ANKRD31: variants seen among roughly 807,000 people sequenced by gnomAD.
ANKRD31 encodes ankyrin repeat domain-containing protein 31.
Under a neutral mutation model 186.0 loss-of-function variants are expected in ANKRD31, and 147 were observed. The ratio of observed to expected loss-of-function variants is 0.79; its 90% CI spans 0.69 to 0.91. The LOEUF is 0.91. Ranked by LOEUF, ANKRD31 falls within the 40% of genes least tolerant of loss-of-function variation. The pLI, the probability that ANKRD31 is intolerant of heterozygous loss-of-function variation, is 0.00. For missense variants in ANKRD31, 1,986 were observed against 2,148.8 expected (o/e 0.92, Z 1.50); for synonymous variants, 673 against 736.4 (o/e 0.91, Z 1.39).
At chr5:75,070,922 G>T (rs1335692887) in intron 25 of ANKRD31, among the ~76,000 whole-genome samples, 3 of 152,116 alleles carry the variant, frequency 2.0e-5, no homozygotes, top group African/African-American at 7.2e-5. Context: ...GTGAGATCTT[G>T]TCCCTATAAA....
At chr5:75,107,659 T>A in intron 20 of ANKRD31, 42 bp from the exon 21 acceptor site, 12 of 1,193,756 alleles carry the variant, frequency 1.0e-5, no homozygotes, top group Non-Finnish European at 1.4e-5. Context: ...TGAGGGAGAG[T>A]GAATGTCAAA....
At chr5:75,116,539 G>T in intron 19 of ANKRD31, 27 bp downstream of exon 19, 1 of 1,319,142 alleles carries the variant, frequency 7.6e-7, no homozygotes, top group South Asian at 2.3e-5. Flanking sequence ...CTAAGATGAA[G>T]AACAAAGTAA....
At chr5:75,113,212 A>G (rs1747923494) in intron 19 of ANKRD31, among the ~76,000 whole-genome samples, 1 of 152,154 alleles carries the variant, frequency 6.6e-6, no homozygotes, top group Admixed American at 6.5e-5. Context: ...ACCTCTTCCT[A>G]TCTGGGTGAC....
At chr5:75,180,302 T>C (rs1580500022) in intron 10 of ANKRD31, among the ~76,000 whole-genome samples, 1 of 152,094 alleles carries the variant, frequency 6.6e-6, no homozygotes, top group Non-Finnish European at 1.5e-5. Context: ...AAAATGGCCA[T>C]ACTGCCCAAG....
rs537693591 is a variant in ANKRD31 at position 75,225,426 on chromosome 5, A to C, written c.179-3068T>G. 54 of 162,414 alleles carry C rather than the reference A, an allele frequency of 3.3e-4. 1 individual carries two copies. Among genetic ancestry groups the C allele is most frequent in the Middle Eastern group, 3.0e-3 (1 of 330 alleles). The allele number at this position is 162,414 out of a possible 1,614,324, so 10.1% of individuals were successfully genotyped here. The stretch of plus-strand genomic sequence containing the variant: ...ATCCCCAAGGACTTTTTGTTGACCA[A>C]GGAGTCAATACTAAGAACAATGACC... On this transcript the variant is annotated intron_variant, in intron 2 of 25. Coordinates refer to ENST00000506364, the MANE Select transcript of ANKRD31 (RefSeq NM_001372053.1).
intron 23 of ANKRD31, among the ~76,000 whole-genome samples, chr5:75,089,439 C>T (rs1471534143): frequency 6.6e-6 from 1 of 152,210 alleles, no homozygotes; most frequent in Non-Finnish European, 1.5e-5. Flanking sequence ...ACCACCCCCA[C>T]CACTCTCAGA....
chr5:75,160,169 T>C (rs187373013), intron 11 of ANKRD31, among the ~76,000 whole-genome samples: 106 of 152,158 alleles, frequency 7.0e-4, no homozygotes, highest in African/African-American at 2.4e-3. Context: ...TTATAAAATA[T>C]ACAAACATAA....
At chr5:75,076,920 C>T (rs1744695457) in intron 25 of ANKRD31, among the ~76,000 whole-genome samples, 2 of 152,134 alleles carry the variant, frequency 1.3e-5, no homozygotes, top group South Asian at 4.2e-4. Context: ...AAATGATTAA[C>T]AATTATCTCA....
At chr5:75,228,358 G>A (rs778113616) in intron 2 of ANKRD31, among the ~76,000 whole-genome samples, 8 of 152,120 alleles carry the variant, frequency 5.3e-5, no homozygotes, top group Non-Finnish European at 1.2e-4. Flanking sequence ...GCAAAACCAA[G>A]GACAATTTTA....
chr5:75,202,138 T>C (rs1347538752), intron 5 of ANKRD31, among the ~76,000 whole-genome samples: 2 of 152,224 alleles, frequency 1.3e-5, no homozygotes, highest in African/African-American at 4.8e-5. Context: ...CCTGACCACC[T>C]TGGGCACATG....
At chr5:75,231,906 A>AACACACACACACACAC (rs56755264) in intron 1 of ANKRD31, among the ~76,000 whole-genome samples, 84 of 144,708 alleles carry the variant, frequency 5.8e-4, no homozygotes, top group Non-Finnish European at 9.8e-4. Flanking sequence ...ACTGTCTCAA[A>AACACACACACACACAC]ACACACACAC....
chr5:75,172,401 C>T (rs577371774), intron 10 of ANKRD31, among the ~76,000 whole-genome samples: 1 of 149,750 alleles, frequency 6.7e-6, no homozygotes, highest in Non-Finnish European at 1.5e-5. Context: ...AGAATAGGCT[C>T]CTTGATAGAG....
intron 10 of ANKRD31, among the ~76,000 whole-genome samples, chr5:75,179,515 A>C (rs1487306190): frequency 6.6e-6 from 1 of 152,236 alleles, no homozygotes; most frequent in Non-Finnish European, 1.5e-5. Context: ...ATCCAACAGC[A>C]CATCAAAAAG....
At chr5:75,089,092 G>A (rs1745734151) in intron 23 of ANKRD31, among the ~76,000 whole-genome samples, 2 of 152,230 alleles carry the variant, frequency 1.3e-5, no homozygotes, top group South Asian at 4.1e-4. Context: ...GGTTTCTAAA[G>A]GCCCTCAAGT....
chr5:75,235,241 C>CTTTTTTTTT (rs35626841), intron 1 of ANKRD31, among the ~76,000 whole-genome samples: 2 of 99,892 alleles, frequency 2.0e-5, no homozygotes, highest in African/African-American at 7.9e-5. Flanking sequence ...CTTGCTGGTA[C>CTTTTTTTTT]TTTTTTTTTT....
chr5:75,158,745 T>C (rs1752374039), intron 11 of ANKRD31, among the ~76,000 whole-genome samples: 1 of 152,028 alleles, frequency 6.6e-6, no homozygotes. Context: ...TGAGCTATGA[T>C]CACATCACTG....
chr5:75,135,764 C>A (rs111465839), intron 17 of ANKRD31, among the ~76,000 whole-genome samples: 7,416 of 152,260 alleles, frequency 0.049, 392 homozygotes, highest in African/African-American at 0.13. Context: ...TGCCTTCAAA[C>A]TATACAACAA....
chr5:75,219,830 C>T (rs774635912), intron 3 of ANKRD31, among the ~76,000 whole-genome samples: 3 of 152,114 alleles, frequency 2.0e-5, no homozygotes, highest in Non-Finnish European at 4.4e-5. Flanking sequence ...CCCAGAAATA[C>T]AGCTACACAT....
chr5:75,146,761 T>G lies in ANKRD31; in HGVS notation c.2650A>C (p.Asn884His). 1 of 1,536,314 alleles carries G rather than the reference T, an allele frequency of 6.5e-7. No homozygotes were observed. The change falls in exon 14 of 26, where the codon AAC becomes CAC. Residue 884 changes from asparagine (N) to histidine (H), a missense_variant. Asn to His is a moderately conservative substitution (Grantham distance 68). Transcript: ENST00000506364. ...SNLVPKDERF[N>H]KWENSFLSFV... ...GATAGGAAAGAATTTTCCCATTTGTTAAATCTCTCATCTTTTGGGACCAAG... is the reference window on the plus strand; with the variant it reads ...GATAGGAAAGAATTTTCCCATTTGTGAAATCTCTCATCTTTTGGGACCAAG...
Sources: allele counts gnomAD v4.1 joint callset (sites outside exome capture counted in the v4.1 genomes callset), GRCh38; gene constraint gnomAD v4.1.1; transcripts MANE v1.5; gene names NCBI Gene and HGNC (gene_info 2026-07-23, HGNC 2026-07-21).